The following OTOA variants were observed in gnomAD, a reference collection of about 807,000 sequenced individuals.
OTOA encodes otoancorin, also known as cancer/testis antigen 108.
In OTOA, 70 loss-of-function variants were observed where a neutral mutation model predicts 110.8. The ratio of observed to expected loss-of-function variants is 0.63; its 90% confidence interval spans 0.52 to 0.77. OTOA has a LOEUF of 0.77. Ranked by LOEUF, OTOA falls within the 30% of genes least tolerant of loss-of-function variation. The probability of loss-of-function intolerance (pLI) is 0.00; values close to 1 mark genes in which losing one functional copy is unlikely to be tolerated. For synonymous variants in OTOA, 373 were observed against 431.5 expected (o/e 0.86, Z 1.68); for missense variants, 917 against 1,075.8 (o/e 0.85, Z 2.06).
intron 12 of OTOA, among the ~76,000 whole-genome samples, chr16:21,707,597 CTT>C (rs1356797808): frequency 8.6e-5 from 3 of 35,086 alleles, no homozygotes; most frequent in South Asian, 1.2e-3. Context: ...CCTTCCTTTT[CTT>C]TCTTTCTTTC....
chr16:21,732,324 T>G (rs1402292153), intron 21 of OTOA, among the ~76,000 whole-genome samples: 2 of 152,196 alleles, frequency 1.3e-5, no homozygotes, highest in East Asian at 1.9e-4. Context: ...TTCTTATGTT[T>G]AGATGTTTAT....
At chr16:21,668,916 A>C (rs1215323600) in intron 1 of OTOA, among the ~76,000 whole-genome samples, 1 of 151,850 alleles carries the variant, frequency 6.6e-6, no homozygotes, top group African/African-American at 2.4e-5. Context: ...CACAGTCTTG[A>C]TTTCTCTGGC....
chr16:21,691,743 A>T (rs1475595956), intron 9 of OTOA, 56 bp downstream of exon 9: 3 of 1,440,746 alleles, frequency 2.1e-6, no homozygotes, highest in Non-Finnish European at 2.9e-6. Context: ...TCTTCAGAAG[A>T]GGTGTTTCAT....
intron 14 of OTOA, 138 bp from the exon 15 acceptor site, chr16:21,716,769 G>A (rs1266800819): frequency 5.3e-6 from 5 of 950,876 alleles, no homozygotes; most frequent in African/African-American, 3.2e-5. Flanking sequence ...TGTGAAATGG[G>A]GATGATGCTA....
chr16:21,751,527 C>T lies in OTOA; in HGVS notation c.2776-408C>T, dbSNP rs1185876360. Among the ~76,000 whole-genome samples the T allele has an allele frequency of 8.8e-4, 60 of 68,374 alleles. 3 individuals are homozygous for T. The highest frequency in any genetic ancestry group is 2.2e-3 in the African/African-American group (49 of 22,452). The allele number at this position is 68,374 out of a possible 152,430, so 44.9% of individuals were successfully genotyped here. ...AGAGCAAGACTCCGTCTCCAAAAAA[C>T]GAAAAAAAAAAAAAAAAGGGAGAAG... On this transcript the variant is annotated intron_variant, in intron 24 of 28. Transcript: ENST00000646100.
intron 12 of OTOA, among the ~76,000 whole-genome samples, chr16:21,707,599 TTC>T (rs1408888217): frequency 1.7e-5 from 1 of 58,660 alleles, no homozygotes; most frequent in Non-Finnish European, 4.0e-5. Context: ...TTCCTTTTCT[TTC>T]TTTCTTTCTT....
chr16:21,668,408 A>C (rs1450641000), intron 1 of OTOA, among the ~76,000 whole-genome samples: 1 of 149,630 alleles, frequency 6.7e-6, no homozygotes, highest in Non-Finnish European at 1.5e-5. Flanking sequence ...TGCCTGGCCT[A>C]ATTTTTTATT....
At chr16:21,667,732 G>A (rs1966843497) in intron 1 of OTOA, among the ~76,000 whole-genome samples, 1 of 152,130 alleles carries the variant, frequency 6.6e-6, no homozygotes, top group Admixed American at 6.6e-5. Context: ...ACTCAACTCT[G>A]CTATGGTAGC....
intron 8 of OTOA, among the ~76,000 whole-genome samples, chr16:21,688,447 G>T (rs1475502647): frequency 6.6e-6 from 1 of 151,990 alleles, no homozygotes; most frequent in East Asian, 1.9e-4. Flanking sequence ...AATAAATACA[G>T]TGGGAAAAAA....
At chr16:21,682,352 A>C (rs1204069999) in intron 6 of OTOA, among the ~76,000 whole-genome samples, 1 of 152,224 alleles carries the variant, frequency 6.6e-6, no homozygotes, top group African/African-American at 2.4e-5. Flanking sequence ...CCCTCTGCAC[A>C]CATTAGATTG....
chr16:21,710,401 G>GCC (rs1374707961), intron 13 of OTOA, among the ~76,000 whole-genome samples: 1 of 152,016 alleles, frequency 6.6e-6, no homozygotes, highest in Admixed American at 6.6e-5. Flanking sequence ...TTGGATCAGG[G>GCC]CCCCACCTGA....
rs1030920079 is a variant in OTOA, at chr16:21,728,084, C to T, written c.2017-157C>T. Among the ~76,000 whole-genome samples the T allele has an allele frequency of 2.1e-4, 32 of 151,992 alleles. 1 individual carries two copies. Among genetic ancestry groups the T allele is most frequent in the Non-Finnish European group, 7.4e-5 (5 of 67,976 alleles). On this transcript the variant is annotated intron_variant, in intron 19 of 28. Transcript: ENST00000646100. ...TTCACCATGTTGGCCAGGCTGATTT[C>T]GAACTCCTGGCCTCAAATGATCTGT...
At chr16:21,735,192 G>A (rs1175032216) in intron 21 of OTOA, among the ~76,000 whole-genome samples, 2 of 151,256 alleles carry the variant, frequency 1.3e-5, no homozygotes, top group African/African-American at 4.9e-5. Context: ...TCATGGCTCT[G>A]CCGACTGTAC....
intron 1 of OTOA, among the ~76,000 whole-genome samples, chr16:21,667,546 T>C (rs1567358030): frequency 6.6e-6 from 1 of 151,398 alleles, no homozygotes; most frequent in Non-Finnish European, 1.5e-5. Context: ...CCCAGCTACT[T>C]GGGAGGCTGA....
chr16:21,680,879 G>T (rs1168840285), intron 5 of OTOA, among the ~76,000 whole-genome samples: 1 of 151,290 alleles, frequency 6.6e-6, no homozygotes, highest in Non-Finnish European at 1.5e-5. Context: ...AATGAGAAAA[G>T]GCTATTCATG....
At chr16:21,717,610 T>G (rs1394832067) in intron 15 of OTOA, among the ~76,000 whole-genome samples, 1 of 152,112 alleles carries the variant, frequency 6.6e-6, no homozygotes, top group Non-Finnish European at 1.5e-5. Flanking sequence ...GTACTGTAAG[T>G]ATTCGCGGCT....
chr16:21,671,884 G>A lies in OTOA; in HGVS notation c.-4-6627G>A, dbSNP rs561940624. On this transcript the variant is annotated intron_variant, in intron 1 of 28. Coordinates refer to ENST00000646100, the MANE Select transcript of OTOA (RefSeq NM_144672.4). The stretch of plus-strand genomic sequence containing the variant: ...GCAATGGCATCCACCTGTAATCCCA[G>A]TACTTTGGGAAGCTCGAAGGGAGGA... Among the ~76,000 whole-genome samples the A allele has an allele frequency of 3.9e-5, 6 of 152,236 alleles. No homozygotes were observed. In the East Asian group the frequency reaches 1.2e-3, roughly 29 times the overall value.
chr16:21,710,789 C>T (rs763731654), intron 13 of OTOA, among the ~76,000 whole-genome samples: 10 of 152,040 alleles, frequency 6.6e-5, no homozygotes, highest in South Asian at 4.1e-4. Flanking sequence ...GATCACCTGA[C>T]GCCAGGAGTT....
At chr16:21,671,658 T>C (rs905410107) in intron 1 of OTOA, among the ~76,000 whole-genome samples, 1 of 150,700 alleles carries the variant, frequency 6.6e-6, no homozygotes, top group African/African-American at 2.4e-5. Flanking sequence ...GCACAGCTAG[T>C]AAGTGGCGGA....
Sources: gnomAD v4.1 joint callset for allele counts (sites outside exome capture counted in the v4.1 genomes callset) on GRCh38, gnomAD v4.1.1 for gene constraint, MANE v1.5 for transcripts, NCBI Gene and HGNC (gene_info 2026-07-23, HGNC 2026-07-21) for gene names.